Variants in ST18 observed in about 807,000 individuals in gnomAD.
ST18 encodes ST18 C2H2C-type zinc finger transcription factor, also known as suppression of tumorigenicity 18 protein.
A neutral mutation model predicts 110.0 loss-of-function variants in ST18; 50 were observed. That is an observed-to-expected ratio of 0.45 (90% CI 0.36 to 0.58). ST18 has a LOEUF of 0.58. Among genes scored for constraint, ST18 ranks in the 20% least tolerant of loss-of-function variants. ST18 has a pLI of 0.00. For synonymous variants in ST18, 461 were observed against 452.4 expected (o/e 1.02, Z -0.24); for missense variants, 1,306 against 1,280.1 (o/e 1.02, Z -0.31).
chr8:52,143,093 C>A lies in ST18; in HGVS notation c.2053-48G>T, dbSNP rs200091472. On this transcript the variant is annotated intron_variant, in intron 16 of 25. Coordinates refer to ENST00000689386, the MANE Select transcript of ST18 (RefSeq NM_001352837.2). ...ACAAAACACAGAAGCCATTAGGGAACCCTGGAAAGACAACTAGATTTAAAA... is the reference window on the plus strand; with the variant it reads ...ACAAAACACAGAAGCCATTAGGGAAACCTGGAAAGACAACTAGATTTAAAA... The A allele has an allele frequency of 8.9e-5, 108 of 1,212,976 alleles. No homozygotes were observed. The East Asian group carries it at 2.4e-3, about 27-fold the overall frequency. 75.1% of individuals were successfully genotyped at this position (1,212,976 alleles called of 1,614,324 possible).
rs767063777 is a variant in ST18, at chr8:52,133,398, T to A, written c.2301-97A>T. On this transcript the variant is annotated intron_variant, in intron 19 of 25. Transcript: ENST00000689386. ...TTAGGTTCTTCAGTAATCACATTAA[T>A]GTTCCAAGTCTCTGTAGTTCACGTG... 1.1e-4 allele frequency: 163 copies of A among 1,423,972 alleles called. 3 individuals carry two copies. Among genetic ancestry groups the A allele is most frequent in the South Asian group, 6.5e-4 (56 of 86,478 alleles). 88.2% of individuals were successfully genotyped at this position (1,423,972 alleles called of 1,614,324 possible). A position where few individuals can be genotyped will look rare whatever the true frequency, so the allele number is the denominator to read the frequency against.
chr8:52,268,468 C>CATCTATCTATCTATCT (rs55683613), intron 2 of ST18, among the ~76,000 whole-genome samples: 11 of 148,722 alleles, frequency 7.4e-5, no homozygotes, highest in Admixed American at 1.3e-4. Context: ...ATCTATCTAT[C>CATCTATCTATCTATCT]ATCTATCTAT....
intron 15 of ST18, 104 bp from the exon 16 acceptor site, chr8:52,150,081 G>A (rs1226485013): frequency 2.1e-6 from 3 of 1,419,386 alleles, no homozygotes; most frequent in Non-Finnish European, 2.8e-6. Context: ...TTTTATGTAA[G>A]TATATCTGCT....
intron 9 of ST18, among the ~76,000 whole-genome samples, chr8:52,175,754 G>C (rs1037917032): frequency 2.6e-5 from 4 of 152,040 alleles, no homozygotes; most frequent in Admixed American, 6.5e-5. Flanking sequence ...TTCTACAGAG[G>C]GCCAGGCTTG....
chr8:52,158,116 C>T (rs1339553051), intron 15 of ST18, among the ~76,000 whole-genome samples: 2 of 152,172 alleles, frequency 1.3e-5, no homozygotes, highest in Non-Finnish European at 2.9e-5. Context: ...CTCTGTGGAT[C>T]GCTGTGACTG....
At chr8:52,332,265 T>C (rs1449052959) in intron 2 of ST18, among the ~76,000 whole-genome samples, 1 of 152,038 alleles carries the variant, frequency 6.6e-6, no homozygotes, top group Admixed American at 6.5e-5. Flanking sequence ...GGATCTTAAT[T>C]TTTGAGCATC....
intron 2 of ST18, among the ~76,000 whole-genome samples, chr8:52,319,048 A>T (rs1209279607): frequency 6.6e-6 from 1 of 152,202 alleles, no homozygotes; most frequent in Non-Finnish European, 1.5e-5. Flanking sequence ...CTTATGTAAC[A>T]AGCCTACACA....
chr8:52,140,987 T>C (rs1042150873), intron 17 of ST18, among the ~76,000 whole-genome samples: 5 of 152,182 alleles, frequency 3.3e-5, no homozygotes, highest in Non-Finnish European at 7.3e-5. Flanking sequence ...CTAAGAAGTT[T>C]CTAAGAAGTT....
chr8:52,340,188 C>G (rs912136268), intron 2 of ST18, among the ~76,000 whole-genome samples: 4 of 152,244 alleles, frequency 2.6e-5, no homozygotes, highest in Admixed American at 2.0e-4. Flanking sequence ...TCAGCCAGAC[C>G]CTGAGCCTCA....
At chr8:52,241,441 G>C (rs1323225336) in intron 2 of ST18, among the ~76,000 whole-genome samples, 1 of 152,254 alleles carries the variant, frequency 6.6e-6, no homozygotes, top group African/African-American at 2.4e-5. Context: ...AGAAGGCTGA[G>C]TAGTATAGTG....
Position 52,172,184 on chromosome 8 carries a change from T to C in ST18, c.677A>G (p.His226Arg), listed in dbSNP as rs1287409761. Reference sequence around the variant, plus strand: ...AGGAACTTCCAATAGGTCTTTTTTATGATCTGTTAAAACATACTTTGGGAC... The same window carrying C: ...AGGAACTTCCAATAGGTCTTTTTTACGATCTGTTAAAACATACTTTGGGAC... Reference protein sequence around the residue: ...PRVPKYVLTDHKKDLLEVPEI... With the variant: ...PRVPKYVLTDRKKDLLEVPEI... Residue 226 changes from histidine (H) to arginine (R), a missense_variant, in exon 10 of 26, where the codon CAT becomes CGT. His to Arg is a conservative substitution (Grantham distance 29, BLOSUM62 0). Transcript: ENST00000689386. 1 of 1,614,240 alleles carries C rather than the reference T, an allele frequency of 6.2e-7. No individual in the cohort carries two copies. Among genetic ancestry groups the C allele is most frequent in the Non-Finnish European group, 8.5e-7 (1 of 1,180,052 alleles).
intron 4 of ST18, 25 bp from the exon 5 acceptor site, chr8:52,220,873 GAAAA>G (rs2086370166): frequency 6.6e-6 from 1 of 152,004 alleles, no homozygotes; most frequent in South Asian, 2.1e-4. Context: ...AATCAAACAA[GAAAA>G]GCATATCAGG....
At chr8:52,344,743 AT>A (rs1430651971) in intron 2 of ST18, among the ~76,000 whole-genome samples, 4 of 152,222 alleles carry the variant, frequency 2.6e-5, no homozygotes, top group Admixed American at 6.5e-5. Context: ...AATCAGTAAC[AT>A]ATCAAAATAG....
chr8:52,138,109 A>T (rs2131837338), intron 17 of ST18, among the ~76,000 whole-genome samples: 1 of 151,438 alleles, frequency 6.6e-6, no homozygotes, highest in African/African-American at 2.4e-5. Flanking sequence ...AAAAAAAAAA[A>T]AAGAAAAGAA....
At chr8:52,393,135 T>C (rs79490901) in intron 2 of ST18, among the ~76,000 whole-genome samples, 5,662 of 152,244 alleles carry the variant, frequency 0.037, 154 homozygotes, top group Middle Eastern at 0.092. Flanking sequence ...CATTAGGCCC[T>C]CCTGAGAACC....
chr8:52,203,261 G>A (rs1343803969), intron 8 of ST18, among the ~76,000 whole-genome samples: 1 of 152,174 alleles, frequency 6.6e-6, no homozygotes, highest in Admixed American at 6.5e-5. Flanking sequence ...AAGGCAGCAA[G>A]GCTTGATCTT....
intron 2 of ST18, among the ~76,000 whole-genome samples, chr8:52,252,549 A>G (rs2094362675): frequency 6.6e-6 from 1 of 151,996 alleles, no homozygotes; most frequent in South Asian, 2.1e-4. Flanking sequence ...AGGATCTCAT[A>G]AAAGTTTCAA....
intron 2 of ST18, among the ~76,000 whole-genome samples, chr8:52,276,019 C>T (rs369990318): frequency 0.038 from 893 of 23,496 alleles, 5 homozygotes; most frequent in African/African-American, 0.1. Context: ...GTACCACATA[C>T]CCCCCACACA....
Position 52,113,211 on chromosome 8 carries a change from C to T in ST18, c.3131G>A (p.Gly1044Asp), listed in dbSNP as rs559704967. ...LLESIKQAVK[G>D]IHV Reference sequence around the variant, plus strand: ...AGCGCTGTGATCCTACACATGGATACCCTTCACTGCCTGTTTGATACTTTC... The same window carrying T: ...AGCGCTGTGATCCTACACATGGATATCCTTCACTGCCTGTTTGATACTTTC... Residue 1044 changes from glycine to aspartate, a missense_variant, in exon 26 of 26, where the codon GGT becomes GAT. Transcript: ENST00000689386. The T allele has an allele frequency of 7.4e-6, 12 of 1,614,010 alleles. No individual in the cohort carries two copies. In the South Asian group the frequency reaches 7.7e-5, roughly 10 times the overall value.
Sources: allele counts gnomAD v4.1 joint callset (sites outside exome capture counted in the v4.1 genomes callset), GRCh38; gene constraint gnomAD v4.1.1; transcripts MANE v1.5; gene names NCBI Gene and HGNC (gene_info 2026-07-23, HGNC 2026-07-21).